The following RYR2 variants were observed in gnomAD, a reference collection of about 807,000 sequenced individuals.
The protein encoded by RYR2 is cardiac muscle ryanodine receptor-calcium release channel.
RYR2 carries 227 observed loss-of-function variants against 601.1 expected under a neutral mutation model. The observed-to-expected ratio is 0.38, with a 90% confidence interval of 0.34 to 0.42. RYR2 has a LOEUF of 0.42. Among genes scored for constraint, RYR2 ranks in the 10% least tolerant of loss-of-function variants. RYR2 has a pLI of 1.00. For missense variants in RYR2, 4,646 were observed against 6,156.5 expected, an observed-to-expected ratio of 0.75 and a Z score of 8.21; for synonymous variants, 2,223 against 2,175.1, an observed-to-expected ratio of 1.02 and a Z score of -0.61.
At chr1:237,298,164 A>G (rs1332844950) in intron 2 of RYR2, among the ~76,000 whole-genome samples, 2 of 152,142 alleles carry the variant, frequency 1.3e-5, no homozygotes, top group Non-Finnish European at 2.9e-5. Flanking sequence ...ATTCTTTGTC[A>G]TCGTCACTCA....
At chr1:237,725,596 C>T (rs555308453) in intron 74 of RYR2, among the ~76,000 whole-genome samples, 54 of 152,180 alleles carry the variant, frequency 3.5e-4, no homozygotes, top group African/African-American at 1.3e-3. Context: ...GCTAACACAT[C>T]AGCACATCAA....
intron 21 of RYR2, among the ~76,000 whole-genome samples, chr1:237,501,194 C>A (rs1217339670): frequency 1.5e-5 from 2 of 133,690 alleles, no homozygotes. Flanking sequence ...TTTTTTAGTT[C>A]ATTTATTTAG....
intron 17 of RYR2, among the ~76,000 whole-genome samples, chr1:237,483,872 G>A (rs902332504): frequency 5.9e-5 from 9 of 152,102 alleles, no homozygotes; most frequent in African/African-American, 9.7e-5. Context: ...AACAGGTTTC[G>A]ACTCCCAGGT....
At chr1:237,544,028 T>G (rs556978494) in intron 25 of RYR2, among the ~76,000 whole-genome samples, 12 of 152,294 alleles carry the variant, frequency 7.9e-5, no homozygotes, top group African/African-American at 2.9e-4. Flanking sequence ...TAAAAAAAAT[T>G]TTGCTATCGG....
At chr1:237,412,622 T>C (rs1704562080) in intron 10 of RYR2, among the ~76,000 whole-genome samples, 1 of 152,180 alleles carries the variant, frequency 6.6e-6, no homozygotes, top group South Asian at 2.1e-4. Context: ...ACTGTTTTAG[T>C]ACATTGCAAA....
At chr1:237,743,009 A>C (rs545368022) in intron 80 of RYR2, among the ~76,000 whole-genome samples, 2 of 152,304 alleles carry the variant, frequency 1.3e-5, no homozygotes, top group South Asian at 2.1e-4. Flanking sequence ...GTTTTTTATG[A>C]GGAAAAGCTA....
intron 1 of RYR2, among the ~76,000 whole-genome samples, chr1:237,184,411 G>A (rs930968804): frequency 7.9e-5 from 12 of 152,078 alleles, no homozygotes; most frequent in African/African-American, 1.5e-4. Context: ...CTCAAATTAC[G>A]GAATACAATT....
At chr1:237,101,743 G>T (rs1287988588) in intron 1 of RYR2, among the ~76,000 whole-genome samples, 2 of 152,248 alleles carry the variant, frequency 1.3e-5, no homozygotes, top group Non-Finnish European at 2.9e-5. Context: ...TAGGAGAGGA[G>T]TTACTGCCCC....
intron 54 of RYR2, among the ~76,000 whole-genome samples, chr1:237,659,110 A>T (rs977664818): frequency 6.6e-6 from 1 of 152,194 alleles, no homozygotes; most frequent in Non-Finnish European, 1.5e-5. Context: ...CTTCCAGAGG[A>T]TGTGTATGCT....
chr1:237,401,333 C>A (rs994052352), intron 10 of RYR2, among the ~76,000 whole-genome samples: 1 of 152,200 alleles, frequency 6.6e-6, no homozygotes, highest in Non-Finnish European at 1.5e-5. Flanking sequence ...TTCTCCAAAA[C>A]TGCCTCTATC....
At chr1:237,269,731 A>G (rs1243058984) in intron 1 of RYR2, among the ~76,000 whole-genome samples, 1 of 152,190 alleles carries the variant, frequency 6.6e-6, no homozygotes, top group African/African-American at 2.4e-5. Context: ...CTCAGATCAT[A>G]TAACCTAGTA....
chr1:237,703,497 T>C (rs1300734506), intron 66 of RYR2, among the ~76,000 whole-genome samples: 1 of 150,842 alleles, frequency 6.6e-6, no homozygotes, highest in Non-Finnish European at 1.5e-5. Context: ...AATGCTTTTG[T>C]TCATTAAAAT....
At chr1:237,454,860 G>C (rs1324316191) in intron 15 of RYR2, among the ~76,000 whole-genome samples, 1 of 152,124 alleles carries the variant, frequency 6.6e-6, no homozygotes, top group South Asian at 2.1e-4. Flanking sequence ...AAGCACTATA[G>C]TTCTCTTCAT....
At chr1:237,816,418 C>G (rs1009575851) in intron 100 of RYR2, among the ~76,000 whole-genome samples, 1 of 152,142 alleles carries the variant, frequency 6.6e-6, no homozygotes, top group African/African-American at 2.4e-5. Context: ...GGCACGGTGA[C>G]TCAACGCCAG....
intron 1 of RYR2, among the ~76,000 whole-genome samples, chr1:237,163,986 G>T (rs962428368): frequency 6.6e-6 from 1 of 152,198 alleles, no homozygotes; most frequent in Non-Finnish European, 1.5e-5. Flanking sequence ...AATTCAGAAA[G>T]CTCATATGTA....
chr1:237,548,364 AT>A, intron 25 of RYR2, 66 bp from the exon 26 acceptor site: 1 of 1,534,630 alleles, frequency 6.5e-7, no homozygotes, highest in Admixed American at 1.9e-5. Flanking sequence ...GGGCCAGAAA[AT>A]GATATTTACA....
At chr1:237,553,829 C>T (rs768625274) in intron 27 of RYR2, among the ~76,000 whole-genome samples, 11 of 151,888 alleles carry the variant, frequency 7.2e-5, no homozygotes, top group South Asian at 2.1e-4. Context: ...CAACTGTACA[C>T]GAATATGAGA....
At chr1:237,556,907 A>AAAC (rs1670960776) in intron 27 of RYR2, among the ~76,000 whole-genome samples, 2 of 134,426 alleles carry the variant, frequency 1.5e-5, no homozygotes, top group African/African-American at 5.6e-5. Context: ...AAAAAAAAAA[A>AAAC]AACCCTCTCA....
intron 10 of RYR2, among the ~76,000 whole-genome samples, chr1:237,393,352 C>A (rs906281948): frequency 2.0e-5 from 3 of 152,092 alleles, no homozygotes; most frequent in Non-Finnish European, 4.4e-5. Flanking sequence ...CTCCATGCCC[C>A]CTTTTAATAT....
Sources: allele counts gnomAD v4.1 joint callset (sites outside exome capture counted in the v4.1 genomes callset), GRCh38; gene constraint gnomAD v4.1.1; transcripts MANE v1.5; gene names NCBI Gene and HGNC (gene_info 2026-07-23, HGNC 2026-07-21).